GNAQ: variants seen among roughly 807,000 people sequenced by gnomAD.
The protein encoded by GNAQ is guanine nucleotide-binding protein G(q) subunit alpha.
Under a neutral mutation model 43.9 loss-of-function variants are expected in GNAQ, and 8 were observed. The ratio of observed to expected loss-of-function variants is 0.18; its 90% CI spans 0.11 to 0.33. The LOEUF is 0.33. GNAQ is among the 10% of genes least tolerant of loss of function. The pLI is 1.00. For synonymous variants in GNAQ, 155 were observed against 170.7 expected (o/e 0.91, Z 0.71); for missense variants, 158 against 450.8 (o/e 0.35, Z 5.88).
intron 1 of GNAQ, among the ~76,000 whole-genome samples, chr9:77,937,007 G>A (rs577045364): frequency 1.3e-5 from 2 of 152,286 alleles, no homozygotes; most frequent in Admixed American, 1.3e-4. Context: ...TATTACTGCT[G>A]AGGCAATTAA....
intron 2 of GNAQ, among the ~76,000 whole-genome samples, chr9:77,820,037 A>C (rs1827087185): frequency 6.6e-6 from 1 of 151,460 alleles, no homozygotes. Flanking sequence ...AATGCATATA[A>C]AATACTCGAA....
chr9:77,904,317 C>CCTTTTTTTTT (rs1244010736), intron 2 of GNAQ, among the ~76,000 whole-genome samples: 2 of 77,406 alleles, frequency 2.6e-5, no homozygotes, highest in African/African-American at 1.1e-4. Flanking sequence ...TTCACACCGG[C>CCTTTTTTTTT]TTTTTTTTTT....
Position 77,862,011 on chromosome 9 carries a change from A to G in GNAQ, c.322-46241T>C, listed in dbSNP as rs866927647. 1.6e-3 allele frequency among the ~76,000 whole-genome samples: 228 copies of G among 143,806 alleles called. 12 individuals are homozygous for G. Among genetic ancestry groups the G allele is most frequent in the South Asian group, 5.7e-3 (26 of 4,526 alleles). 94.3% of individuals were successfully genotyped at this position (143,806 alleles called of 152,430 possible). ...CAGAGCAAGACTCTGTCTGGGGTAAAAAAAAAAAAAAAAAAAAAAAGAGGT... is the reference window on the plus strand; with the variant it reads ...CAGAGCAAGACTCTGTCTGGGGTAAGAAAAAAAAAAAAAAAAAAAAGAGGT... On this transcript the variant is annotated intron_variant, in intron 2 of 6. Transcript: ENST00000286548.
At chr9:77,859,909 A>G (rs1429274683) in intron 2 of GNAQ, among the ~76,000 whole-genome samples, 1 of 152,244 alleles carries the variant, frequency 6.6e-6, no homozygotes, top group African/African-American at 2.4e-5. Flanking sequence ...GTAAGCTAGC[A>G]AAATTACAAC....
intron 2 of GNAQ, among the ~76,000 whole-genome samples, chr9:77,818,007 AAAAAAC>A (rs994828034): frequency 5.3e-5 from 8 of 152,138 alleles, no homozygotes; most frequent in East Asian, 1.9e-4. Context: ...CAAAAAACAA[AAAAAAC>A]AAAAACAAAA....
intron 1 of GNAQ, among the ~76,000 whole-genome samples, chr9:78,022,687 T>A (rs1164858351): frequency 6.6e-6 from 1 of 152,182 alleles, no homozygotes; most frequent in African/African-American, 2.4e-5. Context: ...ATTAAAGTCA[T>A]CTTGTATTAT....
chr9:77,873,995 C>G (rs1776654825), intron 2 of GNAQ, among the ~76,000 whole-genome samples: 1 of 151,706 alleles, frequency 6.6e-6, no homozygotes, highest in Admixed American at 6.6e-5. Flanking sequence ...ATCCCAGCTA[C>G]CCGGGAGGCT....
chr9:77,875,920 C>A (rs1828117873), intron 2 of GNAQ, among the ~76,000 whole-genome samples: 1 of 152,130 alleles, frequency 6.6e-6, no homozygotes, highest in Non-Finnish European at 1.5e-5. Context: ...GAAAAACCTA[C>A]CTATGGAGAG....
intron 1 of GNAQ, among the ~76,000 whole-genome samples, chr9:77,950,483 G>A (rs1414472585): frequency 1.3e-5 from 2 of 152,134 alleles, no homozygotes; most frequent in Non-Finnish European, 1.5e-5. Flanking sequence ...TCCCATGCTC[G>A]TTTCTGCAAC....
chr9:78,031,231 G>C lies in GNAQ; in HGVS notation c.5C>G (p.Thr2Ser), dbSNP rs780163661. 9 of 1,522,340 alleles carry C rather than the reference G, an allele frequency of 5.9e-6. No homozygotes were observed. The highest frequency in any genetic ancestry group is 6.2e-6 in the Non-Finnish European group (7 of 1,130,246). The allele number at this position is 1,522,340 out of a possible 1,614,324, so 94.3% of individuals were successfully genotyped here. A position where few individuals can be genotyped will look rare whatever the true frequency, so the allele number is the denominator to read the frequency against. Residue 2 changes from threonine (T) to serine (S), a missense_variant, in exon 1 of 7, where the codon ACT becomes AGT. Thr to Ser is a moderately conservative substitution (Grantham distance 58). Transcript: ENST00000286548. M[T>S]LESIMACCLS... Reference sequence around the variant, plus strand: ...GCAGCACGCCATGATGGACTCCAGAGTCATTCTTCCAAAGTGCCTCCGCTG... The same window carrying C: ...GCAGCACGCCATGATGGACTCCAGACTCATTCTTCCAAAGTGCCTCCGCTG...
chr9:77,842,777 T>C (rs911755692), intron 2 of GNAQ, among the ~76,000 whole-genome samples: 7 of 152,160 alleles, frequency 4.6e-5, no homozygotes, highest in Non-Finnish European at 1.0e-4. Flanking sequence ...AACCTTGGGA[T>C]ACTTTGATGA....
Position 77,879,022 on chromosome 9 carries a change from G to C in GNAQ, c.321+43139C>G, listed in dbSNP as rs148253873. Among the ~76,000 whole-genome samples the C allele has an allele frequency of 5.4e-3, 818 of 151,618 alleles. 7 individuals carry two copies. The highest frequency in any genetic ancestry group is 0.018 in the African/African-American group (731 of 41,336). ...GATTGTACCACTGCACTCCAGCCTG[G>C]GTGACAGAGCAAGACTGTGTCTCAA... On this transcript the variant is annotated intron_variant, in intron 2 of 6. Coordinates refer to ENST00000286548, the MANE Select transcript of GNAQ (RefSeq NM_002072.5).
At chr9:77,882,815 T>C (rs918070094) in intron 2 of GNAQ, among the ~76,000 whole-genome samples, 2 of 152,254 alleles carry the variant, frequency 1.3e-5, no homozygotes, top group African/African-American at 4.8e-5. Flanking sequence ...ATTATTTTTG[T>C]AATAAACTAT....
At chr9:77,910,498 G>A (rs1359864739) in intron 2 of GNAQ, among the ~76,000 whole-genome samples, 1 of 152,166 alleles carries the variant, frequency 6.6e-6, no homozygotes, top group Admixed American at 6.5e-5. Context: ...TGCCACATGT[G>A]TTTTATATGG....
At chr9:77,919,748 AG>A (rs1237719782) in intron 2 of GNAQ, among the ~76,000 whole-genome samples, 1 of 152,210 alleles carries the variant, frequency 6.6e-6, no homozygotes, top group Admixed American at 6.5e-5. Flanking sequence ...AGGATTTATG[AG>A]GATAATTATG....
intron 2 of GNAQ, among the ~76,000 whole-genome samples, chr9:77,847,155 C>T (rs933295026): frequency 3.3e-5 from 5 of 152,190 alleles, no homozygotes; most frequent in Admixed American, 1.3e-4. Flanking sequence ...CTCAGCCTTG[C>T]AAGGCAGTGG....
intron 1 of GNAQ, among the ~76,000 whole-genome samples, chr9:77,966,084 A>C (rs954035347): frequency 1.3e-5 from 2 of 152,156 alleles, no homozygotes; most frequent in Admixed American, 6.5e-5. Context: ...AAGTGGACAT[A>C]CTGTATGTTC....
At chr9:77,753,860 C>T (rs940053040) in intron 5 of GNAQ, among the ~76,000 whole-genome samples, 10 of 152,110 alleles carry the variant, frequency 6.6e-5, no homozygotes, top group Non-Finnish European at 1.3e-4. Context: ...GCTCATAAGA[C>T]AGTGGGATAT....
intron 2 of GNAQ, among the ~76,000 whole-genome samples, chr9:77,869,330 G>A (rs1203290571): frequency 6.6e-6 from 1 of 152,074 alleles, no homozygotes; most frequent in Non-Finnish European, 1.5e-5. Flanking sequence ...GAAAAAACTA[G>A]CCCCAACCTC....
Sources: allele counts gnomAD v4.1 joint callset (sites outside exome capture counted in the v4.1 genomes callset), GRCh38; gene constraint gnomAD v4.1.1; transcripts MANE v1.5; gene names NCBI Gene and HGNC (gene_info 2026-07-23, HGNC 2026-07-21).